Variants in FMN1 observed in about 807,000 individuals in gnomAD.
FMN1 encodes formin-1.
FMN1 carries 110 observed loss-of-function variants against 132.4 expected under a neutral mutation model. The ratio of observed to expected loss-of-function variants is 0.83; its 90% CI spans 0.71 to 0.97. FMN1 has a LOEUF of 0.97. Among genes scored for constraint, FMN1 ranks in the 50% least tolerant of loss-of-function variants. The probability of loss-of-function intolerance (pLI) is 0.00; values close to 1 mark genes in which losing one functional copy is unlikely to be tolerated. For synonymous variants in FMN1, 722 were observed against 651.7 expected (o/e 1.11, Z -1.64); for missense variants, 1,792 against 1,705.3 (o/e 1.05, Z -0.90).
At chr15:32,815,757 A>G (rs2058041423) in intron 17 of FMN1, among the ~76,000 whole-genome samples, 1 of 152,178 alleles carries the variant, frequency 6.6e-6, no homozygotes, top group African/African-American at 2.4e-5. Flanking sequence ...GGCCTAGCAC[A>G]GTCAGATTGG....
intron 3 of FMN1, among the ~76,000 whole-genome samples, chr15:33,172,396 ACTCAGTTAT>A (rs1384720232): frequency 2.0e-5 from 3 of 152,316 alleles, no homozygotes; most frequent in South Asian, 4.1e-4. Context: ...CCATTGGTAT[ACTCAGTTAT>A]CTGGAGGAGG....
intron 17 of FMN1, among the ~76,000 whole-genome samples, chr15:32,806,584 A>G (rs1372731485): frequency 6.6e-6 from 1 of 152,188 alleles, no homozygotes; most frequent in Non-Finnish European, 1.5e-5. Flanking sequence ...AGTCTTCAAA[A>G]TGCTCTAGAA....
chr15:33,171,748 C>G (rs994202514), intron 3 of FMN1, among the ~76,000 whole-genome samples: 1 of 152,076 alleles, frequency 6.6e-6, no homozygotes. Flanking sequence ...ACTGCAGCTA[C>G]AGTTAGTTCT....
intron 5 of FMN1, among the ~76,000 whole-genome samples, chr15:33,076,864 G>C (rs2038232850): frequency 6.6e-6 from 1 of 152,208 alleles, no homozygotes; most frequent in Non-Finnish European, 1.5e-5. Context: ...ACTGAAATTA[G>C]AGGTTTACAG....
chr15:32,781,502 G>T (rs2056662663), intron 19 of FMN1, among the ~76,000 whole-genome samples: 1 of 152,130 alleles, frequency 6.6e-6, no homozygotes, highest in East Asian at 1.9e-4. Flanking sequence ...ATGCATCAAC[G>T]ACCGGGCTAT....
chr15:32,787,201 C>G (rs2056909818), intron 19 of FMN1, among the ~76,000 whole-genome samples: 1 of 152,144 alleles, frequency 6.6e-6, no homozygotes, highest in Non-Finnish European at 1.5e-5. Context: ...AAATTTTTTC[C>G]TTGCTGCAGC....
chr15:32,888,154 C>A lies in FMN1; in HGVS notation c.3835+18G>T. On this transcript the variant is annotated intron_variant, in intron 16 of 20. Transcript: ENST00000616417. ...GTAATCTTAGCTATTATCATAATAG[C>A]AGAACAGTTCCTATTACCTTCTAGT... 1.3e-6 allele frequency: 2 copies of A among 1,588,782 alleles called. No homozygotes were observed. The highest frequency in any genetic ancestry group is 8.6e-7 in the Non-Finnish European group (1 of 1,169,454).
intron 4 of FMN1, among the ~76,000 whole-genome samples, chr15:33,099,745 A>G (rs923335758): frequency 6.6e-6 from 1 of 152,210 alleles, no homozygotes; most frequent in Non-Finnish European, 1.5e-5. Flanking sequence ...TATGTTTCCA[A>G]TAATCCAGTC....
chr15:32,883,082 A>G (rs755634674), intron 16 of FMN1, among the ~76,000 whole-genome samples: 5 of 152,236 alleles, frequency 3.3e-5, no homozygotes, highest in Non-Finnish European at 7.3e-5. Flanking sequence ...TTGAATATCC[A>G]TTAGATTAGC....
chr15:32,855,177 A>G (rs946179076), intron 17 of FMN1, among the ~76,000 whole-genome samples: 12 of 150,938 alleles, frequency 8.0e-5, no homozygotes, highest in East Asian at 3.9e-4. Flanking sequence ...AAAAAAAAAA[A>G]AAAAAGAAAA....
At chr15:33,030,074 C>T (rs1288752531) in intron 6 of FMN1, among the ~76,000 whole-genome samples, 3 of 152,192 alleles carry the variant, frequency 2.0e-5, no homozygotes, top group Non-Finnish European at 2.9e-5. Context: ...AGGAGAATGG[C>T]GTGAACCCGG....
At chr15:32,987,479 T>G (rs181547046) in intron 7 of FMN1, among the ~76,000 whole-genome samples, 2 of 152,228 alleles carry the variant, frequency 1.3e-5, no homozygotes, top group Admixed American at 6.5e-5. Flanking sequence ...CGACTGCACA[T>G]CAGAGCAGAA....
Position 32,910,567 on chromosome 15 carries a change from G to A in FMN1, c.3227-32C>T, listed in dbSNP as rs1030789240. 3.2e-5 allele frequency: 49 copies of A among 1,520,458 alleles called. No homozygotes were observed. In the African/African-American group the frequency reaches 5.9e-4, roughly 18 times the overall value. The allele number at this position is 1,520,458 out of a possible 1,614,324, so 94.2% of individuals were successfully genotyped here. On this transcript the variant is annotated intron_variant, in intron 10 of 20. Coordinates refer to ENST00000616417, the MANE Select transcript of FMN1 (RefSeq NM_001277313.2). ...AGCACCCAAAAAGAAAAGAGGATAA[G>A]GGATTTGATTAGGTCCCCTGCACCA... is the stretch of plus-strand genomic sequence containing the variant.
intron 7 of FMN1, 133 bp downstream of exon 7, chr15:33,007,881 T>G (rs866941264): frequency 1.6e-6 from 1 of 643,170 alleles, no homozygotes; most frequent in Non-Finnish European, 2.7e-6. Flanking sequence ...ATAGACACAG[T>G]GCCTACTGGC....
chr15:33,121,176 C>T (rs1962519663), intron 4 of FMN1, among the ~76,000 whole-genome samples: 1 of 152,158 alleles, frequency 6.6e-6, no homozygotes, highest in Admixed American at 6.5e-5. Flanking sequence ...TCAACAACAA[C>T]AAAAAATTAA....
intron 17 of FMN1, among the ~76,000 whole-genome samples, chr15:32,851,817 T>C (rs1415537063): frequency 1.3e-5 from 2 of 152,206 alleles, no homozygotes; most frequent in African/African-American, 2.4e-5. Context: ...TCATCATGAT[T>C]GTTAGAGCTG....
chr15:33,049,537 T>C lies in FMN1; in HGVS notation c.2161+15420A>G, dbSNP rs77608007. 4.3e-3 allele frequency among the ~76,000 whole-genome samples: 656 copies of C among 152,296 alleles called. 6 individuals carry two copies. The highest frequency in any genetic ancestry group is 0.015 in the African/African-American group (634 of 41,550). ...GTGATAGTGATAGTAATGACTAAAG[T>C]TTTGGTCAATCTCTCAAAATTGAGA... On this transcript the variant is annotated intron_variant, in intron 6 of 20. Transcript: ENST00000616417.
chr15:32,809,645 G>C (rs904318808), intron 17 of FMN1, among the ~76,000 whole-genome samples: 1 of 151,970 alleles, frequency 6.6e-6, no homozygotes, highest in East Asian at 1.9e-4. Flanking sequence ...CCTTCTGTTT[G>C]AATGTCTTCT....
chr15:33,126,603 G>A (rs976192127), intron 4 of FMN1, among the ~76,000 whole-genome samples: 1 of 152,212 alleles, frequency 6.6e-6, no homozygotes, highest in Non-Finnish European at 1.5e-5. Flanking sequence ...AGACCAGAAA[G>A]AAGAAAGGAA....
Sources: allele counts gnomAD v4.1 joint callset (sites outside exome capture counted in the v4.1 genomes callset), GRCh38; gene constraint gnomAD v4.1.1; transcripts MANE v1.5; gene names NCBI Gene and HGNC (gene_info 2026-07-23, HGNC 2026-07-21).